Variants in KIFC3 observed in about 807,000 individuals in gnomAD.
KIFC3 encodes kinesin family member C3, also known as kinesin-like protein KIFC3.
In KIFC3, 60 loss-of-function variants were observed where a neutral mutation model predicts 101.8. The observed-to-expected ratio is 0.59, with a 90% CI of 0.48 to 0.73. KIFC3 has a LOEUF of 0.73. Ranked by LOEUF, KIFC3 falls within the 30% of genes least tolerant of loss-of-function variation. The probability of loss-of-function intolerance (pLI) is 0.00; values close to 1 mark genes in which losing one functional copy is unlikely to be tolerated. For missense variants in KIFC3, 966 were observed against 1,137.1 expected (o/e 0.85, Z 2.16); for synonymous variants, 476 against 482.7 (o/e 0.99, Z 0.18).
At chr16:57,760,184 A>ACTG in intron 17 of KIFC3, 98 bp downstream of exon 17, 1 of 1,419,368 alleles carries the variant, frequency 7.0e-7, no homozygotes, top group Non-Finnish European at 9.5e-7. Flanking sequence ...CCCTGCCCCC[A>ACTG]CTGCTTCAGG....
intron 1 of KIFC3, among the ~76,000 whole-genome samples, chr16:57,830,930 C>T (rs2080329949): frequency 1.3e-5 from 2 of 152,140 alleles, no homozygotes; most frequent in Non-Finnish European, 2.9e-5. Flanking sequence ...TTTTTCCCCC[C>T]AGGTCTTTGA....
At chr16:57,858,181 T>C (rs565944745) in intron 1 of KIFC3, among the ~76,000 whole-genome samples, 1 of 152,288 alleles carries the variant, frequency 6.6e-6, no homozygotes, top group South Asian at 2.1e-4. Flanking sequence ...TTTGCTACTA[T>C]GAATAGTGCT....
intron 3 of KIFC3, among the ~76,000 whole-genome samples, chr16:57,792,489 C>T (rs1238611594): frequency 1.3e-5 from 2 of 152,298 alleles, no homozygotes; most frequent in Admixed American, 6.5e-5. Context: ...ACTGCATGAA[C>T]ACAGCACAGA....
intron 1 of KIFC3, among the ~76,000 whole-genome samples, chr16:57,859,537 G>A (rs955020102): frequency 1.3e-5 from 2 of 152,036 alleles, no homozygotes; most frequent in African/African-American, 4.8e-5. Context: ...CTCCAGCAGG[G>A]GGCTCATTCA....
At chr16:57,805,998 C>G (rs1358026660), upstream of KIFC3, among the ~76,000 whole-genome samples, 1 of 152,120 alleles carries the variant, frequency 6.6e-6, no homozygotes, top group Non-Finnish European at 1.5e-5. Flanking sequence ...CTCAACCTCC[C>G]AAAGTGCTGG....
chr16:57,843,302 ACAGT>A (rs1284928528), intron 1 of KIFC3, among the ~76,000 whole-genome samples: 1 of 152,202 alleles, frequency 6.6e-6, no homozygotes, highest in Non-Finnish European at 1.5e-5. Context: ...CAACCATGAG[ACAGT>A]CAGAATATGA....
intron 3 of KIFC3, among the ~76,000 whole-genome samples, chr16:57,791,535 G>C (rs2053871134): frequency 6.6e-6 from 1 of 152,206 alleles, no homozygotes; most frequent in Non-Finnish European, 1.5e-5. Context: ...CACTGTGCTT[G>C]GGACCCACTC....
intron 3 of KIFC3, 117 bp from the exon 4 acceptor site, chr16:57,772,405 G>A: frequency 1.3e-6 from 1 of 791,392 alleles, no homozygotes; most frequent in Non-Finnish European, 2.1e-6. Context: ...CTAAGGCTGT[G>A]GCCTTAGGTT....
intron 12 of KIFC3, among the ~76,000 whole-genome samples, chr16:57,763,658 G>A (rs1321046190): frequency 6.6e-6 from 1 of 151,908 alleles, no homozygotes; most frequent in Non-Finnish European, 1.5e-5. Context: ...AGGAAGCCTT[G>A]GCCTGGCCCC....
chr16:57,768,542 A>ACACACACACACACAG (rs1567960407), intron 9 of KIFC3, among the ~76,000 whole-genome samples: 1 of 23,264 alleles, frequency 4.3e-5, no homozygotes, highest in Non-Finnish European at 9.0e-5. Flanking sequence ...CACACGCACA[A>ACACACACACACACAG]TTGGCTTAAG....
In KIFC3 at chr16:57,765,655, G is replaced by C. The variant is rs1555602333; in HGVS notation, c.1331-15C>G. On this transcript the variant is annotated splice_polypyrimidine_tract_variant and intron_variant, in intron 10 of 19. Transcript: ENST00000445690. ...TCGGATGTTCCCTGGATTGGTTGGG[G>C]ATGGGGAAATGGGTCCAGGCCATGT... 2.5e-6 allele frequency: 4 copies of C among 1,603,070 alleles called. No homozygotes were observed. In the East Asian group the frequency reaches 8.9e-5, roughly 36 times the overall value.
At chr16:57,764,773 GA>G (rs1567946169) in intron 11 of KIFC3, among the ~76,000 whole-genome samples, 2 of 152,106 alleles carry the variant, frequency 1.3e-5, no homozygotes, top group African/African-American at 4.8e-5. Context: ...GGTATTCCCG[GA>G]TGGGGAAGAT....
Position 57,797,917 on chromosome 16 carries a change from C to T in KIFC3, c.172+155G>A, listed in dbSNP as rs1177396768. On this transcript the variant is annotated intron_variant, in intron 2 of 19. Coordinates refer to ENST00000445690, the MANE Select transcript of KIFC3 (RefSeq NM_001130100.2). ...GGAGCGCCCGGCGAGACTGACGCTC[C>T]GGCTCCACGCCCGCCTGGCTCTGGG... 6.7e-6 allele frequency: 10 copies of T among 1,501,428 alleles called. No homozygotes were observed. In the East Asian group the frequency reaches 7.5e-5, roughly 11 times the overall value. The allele number at this position is 1,501,428 out of a possible 1,614,324, so 93.0% of individuals were successfully genotyped here. A position where few individuals can be genotyped will look rare whatever the true frequency, so the allele number is the denominator to read the frequency against.
At chr16:57,813,320 C>T (rs1428756582) in intron 1 of KIFC3, among the ~76,000 whole-genome samples, 5 of 151,414 alleles carry the variant, frequency 3.3e-5, no homozygotes, top group African/African-American at 1.2e-4. Flanking sequence ...AAAGCAAGGC[C>T]TTGTCTCAAA....
chr16:57,791,575 T>C (rs1568035975), intron 3 of KIFC3, among the ~76,000 whole-genome samples: 1 of 152,194 alleles, frequency 6.6e-6, no homozygotes, highest in Non-Finnish European at 1.5e-5. Context: ...CTGAAGCACC[T>C]ACCGCATAAT....
Position 57,818,470 on chromosome 16 carries a change from T to C in KIFC3, c.109-20188A>G, listed in dbSNP as rs553409013. ...GTGTTGACCTCCCAGGCTCAAGTGA[T>C]CCTCCCACCTCAGCCTCTCCAATAG... On this transcript the variant is annotated intron_variant, in intron 1 of 2. Coordinates refer to the KIFC3 transcript ENST00000563028. Among the ~76,000 whole-genome samples the C allele has an allele frequency of 2.6e-5, 4 of 152,266 alleles. No individual in the cohort carries two copies. In the East Asian group the frequency reaches 7.7e-4, roughly 29 times the overall value.
chr16:57,780,713 C>T (rs1453410039), intron 3 of KIFC3, among the ~76,000 whole-genome samples: 3 of 108,474 alleles, frequency 2.8e-5, no homozygotes, highest in Non-Finnish European at 5.1e-5. Context: ...CTTGCTCTGT[C>T]ACCCAGGCTG....
intron 1 of KIFC3, among the ~76,000 whole-genome samples, chr16:57,818,033 C>A (rs1269861189): frequency 7.2e-6 from 1 of 139,546 alleles, no homozygotes; most frequent in East Asian, 2.2e-4. Flanking sequence ...TTTTTTTGTT[C>A]TTTTCTATGT....
At chr16:57,850,264 A>G (rs1363869545) in intron 1 of KIFC3, among the ~76,000 whole-genome samples, 1 of 150,680 alleles carries the variant, frequency 6.6e-6, no homozygotes. Flanking sequence ...TTAGCCGGGC[A>G]TGGTGGCATG....
Sources: gnomAD v4.1 joint callset for allele counts (sites outside exome capture counted in the v4.1 genomes callset) on GRCh38, gnomAD v4.1.1 for gene constraint, MANE v1.5 for transcripts, NCBI Gene and HGNC (gene_info 2026-07-23, HGNC 2026-07-21) for gene names.